SLC11A2: variants seen among roughly 807,000 people sequenced by gnomAD.
The protein encoded by SLC11A2 is solute carrier family 11 member 2.
In SLC11A2, 38 loss-of-function variants were observed where a neutral mutation model predicts 68.0. That is an observed-to-expected ratio of 0.56 (90% CI 0.43 to 0.73). The LOEUF is 0.73. Ranked by LOEUF, SLC11A2 falls within the 30% of genes least tolerant of loss-of-function variation. SLC11A2 has a pLI of 0.00. For synonymous variants in SLC11A2, 242 were observed against 250.6 expected, an observed-to-expected ratio of 0.97 and a Z score of 0.32; for missense variants, 517 against 690.5, an observed-to-expected ratio of 0.75 and a Z score of 2.82.
At chr12:50,976,345 A>G (rs1939848863), downstream of SLC11A2, among the ~76,000 whole-genome samples, 1 of 152,234 alleles carries the variant, frequency 6.6e-6, no homozygotes, top group Non-Finnish European at 1.5e-5. Context: ...AACATACACA[A>G]ATCAATAAAT....
chr12:51,028,836 G>A (rs1944474278), upstream of SLC11A2, among the ~76,000 whole-genome samples: 1 of 152,110 alleles, frequency 6.6e-6, no homozygotes, highest in African/African-American at 2.4e-5. Context: ...AGTGATCCAC[G>A]AGCAGACATC....
the SLC11A2 span, among the ~76,000 whole-genome samples, chr12:50,955,672 C>T: frequency 1.3e-5 from 2 of 152,150 alleles, no homozygotes; most frequent in African/African-American, 2.4e-5. Flanking sequence ...TTTTACTTTA[C>T]AGTAATATTC....
intron 1 of SLC11A2, among the ~76,000 whole-genome samples, chr12:51,012,416 A>G (rs569234691): frequency 5.3e-5 from 8 of 152,350 alleles, no homozygotes; most frequent in African/African-American, 1.9e-4. Flanking sequence ...GGGGAAGGAC[A>G]ACATAGTATT....
chr12:51,021,308 G>A (rs151172522), intron 1 of SLC11A2, among the ~76,000 whole-genome samples: 1 of 151,956 alleles, frequency 6.6e-6, no homozygotes, highest in Non-Finnish European at 1.5e-5. Context: ...CTCAAAATTG[G>A]AGACATCCTA....
chr12:50,995,892 G>T, intron 9 of SLC11A2, 105 bp from the exon 10 acceptor site: 1 of 1,044,992 alleles, frequency 9.6e-7, no homozygotes, highest in Non-Finnish European at 1.5e-6. Flanking sequence ...GACAAAAGTT[G>T]ACCAGACGAA....
chr12:50,953,654 A>G, the SLC11A2 span, among the ~76,000 whole-genome samples: 1 of 152,270 alleles, frequency 6.6e-6, no homozygotes, highest in African/African-American at 2.4e-5. Context: ...CTTCAAATAC[A>G]GTGCTTGTGG....
chr12:50,963,112 G>A, the SLC11A2 span, among the ~76,000 whole-genome samples: 1 of 152,004 alleles, frequency 6.6e-6, no homozygotes, highest in African/African-American at 2.4e-5. Flanking sequence ...GTTTGCACCT[G>A]TAATCCCAGC....
intron 1 of SLC11A2, among the ~76,000 whole-genome samples, chr12:51,019,127 A>G (rs1203366686): frequency 6.6e-6 from 1 of 152,238 alleles, no homozygotes; most frequent in African/African-American, 2.4e-5. Flanking sequence ...GACACTGTTC[A>G]GTTCATTCTT....
intron 14 of SLC11A2, 119 bp from the exon 15 acceptor site, chr12:50,991,067 G>GA (rs1409364175): frequency 4.6e-5 from 41 of 896,850 alleles, no homozygotes; most frequent in Non-Finnish European, 6.6e-5. Flanking sequence ...TTCTTAATTT[G>GA]AAAAAAAATG....
chr12:50,960,849 ATT>A, the SLC11A2 span: 1,356 of 644,880 alleles, frequency 2.1e-3, no homozygotes, highest in South Asian at 2.5e-3. Flanking sequence ...TGTGTGGCTA[ATT>A]TTTTTTTTTT....
chr12:51,009,225 A>G, intron 2 of SLC11A2: 1 of 1,417,536 alleles, frequency 7.1e-7, no homozygotes, highest in Non-Finnish European at 9.2e-7. Flanking sequence ...CAGCAAAACC[A>G]CCAAGCAGGA....
chr12:50,982,963 A>G (rs1176267834), downstream of SLC11A2, among the ~76,000 whole-genome samples: 2 of 150,586 alleles, frequency 1.3e-5, no homozygotes, highest in Non-Finnish European at 3.0e-5. Context: ...AAAAACCCAC[A>G]ATTCCAGACT....
intron 11 of SLC11A2, among the ~76,000 whole-genome samples, chr12:50,993,752 C>T (rs111902762): frequency 0.019 from 2,825 of 151,664 alleles, 76 homozygotes; most frequent in African/African-American, 0.064. Context: ...CACTTGAACC[C>T]GGAAGGCAGA....
chr12:50,997,679 CAAAAAAAAAAAAA>C (rs35477132), intron 8 of SLC11A2, among the ~76,000 whole-genome samples: 1 of 44,974 alleles, frequency 2.2e-5, no homozygotes, highest in East Asian at 8.1e-4. Flanking sequence ...GACTCTGTCT[CAAAAAAAAAAAAA>C]AAAAAAAAAA....
At chr12:51,006,282 A>G (rs749916133) in intron 3 of SLC11A2, 131 of 154,254 alleles carry the variant, frequency 8.5e-4, no homozygotes, top group Non-Finnish European at 1.6e-3. Flanking sequence ...CTGGGCGACA[A>G]GAGTGAAACT....
At chr12:50,998,796 T>A (rs1422737481) in intron 8 of SLC11A2, among the ~76,000 whole-genome samples, 1 of 152,162 alleles carries the variant, frequency 6.6e-6, no homozygotes, top group Non-Finnish European at 1.5e-5. Context: ...CTGCAATTAA[T>A]ATAAACCAGG....
At chr12:50,960,949 A>G in the SLC11A2 span, 5 of 1,548,784 alleles carry the variant, frequency 3.2e-6, no homozygotes, top group Admixed American at 9.9e-5. Context: ...CAAATAACCC[A>G]TACTTTTAAA....
At chr12:50,967,865 TC>T in the SLC11A2 span, among the ~76,000 whole-genome samples, 1 of 152,044 alleles carries the variant, frequency 6.6e-6, no homozygotes, top group Non-Finnish European at 1.5e-5. Flanking sequence ...GGCAGGAGAA[TC>T]ACTTGAGCCC....
intron 8 of SLC11A2, among the ~76,000 whole-genome samples, chr12:50,998,303 T>A (rs1941912022): frequency 6.6e-6 from 1 of 151,990 alleles, no homozygotes; most frequent in Non-Finnish European, 1.5e-5. Flanking sequence ...AGGCTGCAAG[T>A]GAGCCAAGAT....
Sources: gnomAD v4.1 joint callset for allele counts (sites outside exome capture counted in the v4.1 genomes callset) on GRCh38, gnomAD v4.1.1 for gene constraint, MANE v1.5 for transcripts, NCBI Gene and HGNC (gene_info 2026-07-23, HGNC 2026-07-21) for gene names.